Variants in PTPRN2 observed in about 807,000 individuals in gnomAD.
PTPRN2 encodes the protein protein tyrosine phosphatase receptor type N2.
A neutral mutation model predicts 118.8 loss-of-function variants in PTPRN2; 74 were observed. That is an observed-to-expected ratio of 0.62 (90% CI 0.52 to 0.76). PTPRN2 has a LOEUF of 0.76. Ranked by LOEUF, PTPRN2 falls within the 30% of genes least tolerant of loss-of-function variation. PTPRN2 has a pLI of 0.00. For synonymous variants in PTPRN2, 641 were observed against 608.0 expected (o/e 1.05, Z -0.80); for missense variants, 1,481 against 1,394.4 (o/e 1.06, Z -0.99).
chr7:158,406,614 G>A (rs115360434), intron 2 of PTPRN2, among the ~76,000 whole-genome samples: 4,634 of 152,284 alleles, frequency 0.03, 88 homozygotes, highest in Middle Eastern at 0.082. Context: ...AGTCTCTCCC[G>A]CGGACCTGAG....
At chr7:157,669,522 C>T (rs749033054) in intron 13 of PTPRN2, 13 of 488,562 alleles carry the variant, frequency 2.7e-5, no homozygotes, top group African/African-American at 5.9e-5. Flanking sequence ...TGACACACGA[C>T]GACACCCAGT....
chr7:158,024,678 T>G (rs1023174838), intron 11 of PTPRN2, among the ~76,000 whole-genome samples: 4 of 152,058 alleles, frequency 2.6e-5, no homozygotes, highest in African/African-American at 7.2e-5. Flanking sequence ...AGACACCTTG[T>G]GACAAACAAG....
intron 2 of PTPRN2, among the ~76,000 whole-genome samples, chr7:158,435,187 A>G (rs1342062711): frequency 6.6e-6 from 1 of 152,238 alleles, no homozygotes; most frequent in Admixed American, 6.5e-5. Flanking sequence ...AAATACTTGC[A>G]AATCGTATAA....
intron 6 of PTPRN2, among the ~76,000 whole-genome samples, chr7:158,149,275 A>G (rs953296271): frequency 1.2e-4 from 19 of 152,150 alleles, no homozygotes; most frequent in Admixed American, 1.3e-4. Context: ...CAACCAAAAG[A>G]CCTCCAAACT....
chr7:158,485,256 G>A (rs1299274704), intron 2 of PTPRN2, among the ~76,000 whole-genome samples: 1 of 152,046 alleles, frequency 6.6e-6, no homozygotes, highest in Non-Finnish European at 1.5e-5. Flanking sequence ...TGCTCCTCTT[G>A]CCCTCCTGGA....
chr7:158,239,854 G>A (rs1242312063), intron 3 of PTPRN2, among the ~76,000 whole-genome samples: 1 of 152,202 alleles, frequency 6.6e-6, no homozygotes, highest in Non-Finnish European at 1.5e-5. Flanking sequence ...TCCTGGCCGG[G>A]GCACTGGAGG....
intron 6 of PTPRN2, among the ~76,000 whole-genome samples, chr7:158,145,336 C>T (rs1265269369): frequency 6.6e-6 from 1 of 151,954 alleles, no homozygotes; most frequent in East Asian, 1.9e-4. Flanking sequence ...TGAGAAGGTT[C>T]CAGAATACCA....
At chr7:158,441,525 GGTGATGGTAATAGTGATGGTGATGGCA>G (rs1817213755) in intron 2 of PTPRN2, among the ~76,000 whole-genome samples, 4 of 147,316 alleles carry the variant, frequency 2.7e-5, no homozygotes, top group Non-Finnish European at 5.9e-5. Context: ...TGGCAGTGGT[GGTGATGGTAATAGTGATGGTGATGGCA>G]GTGATAGTGA....
chr7:157,755,817 C>T (rs1478287956), intron 12 of PTPRN2, among the ~76,000 whole-genome samples: 1 of 152,156 alleles, frequency 6.6e-6, no homozygotes, highest in Non-Finnish European at 1.5e-5. Context: ...CATTCTTACT[C>T]CAAACCTCAG....
chr7:157,692,268 T>TC (rs1344277576), intron 12 of PTPRN2, among the ~76,000 whole-genome samples: 20 of 150,798 alleles, frequency 1.3e-4, no homozygotes, highest in Non-Finnish European at 8.9e-5. Flanking sequence ...TCCCGGCCCC[T>TC]CCGGGGCCAA....
intron 2 of PTPRN2, among the ~76,000 whole-genome samples, chr7:158,375,811 T>A (rs1216160911): frequency 1.3e-5 from 2 of 152,028 alleles, no homozygotes; most frequent in African/African-American, 4.8e-5. Context: ...CTGGGGACAG[T>A]CAGAAAGGAG....
intron 6 of PTPRN2, among the ~76,000 whole-genome samples, chr7:158,146,532 T>C (rs534041916): frequency 1.3e-5 from 2 of 151,972 alleles, no homozygotes; most frequent in South Asian, 4.2e-4. Context: ...CCATCCTGAC[T>C]AACATGGTGA....
Position 157,610,517 on chromosome 7 carries a change from C to T in PTPRN2, c.2345-6442G>A, listed in dbSNP as rs142209657. ...CACCAGCACCCACAAGCTCCTGCTC[C>T]GAGTTTATGGTGTCCATCGAGGTCT... On this transcript the variant is annotated intron_variant, in intron 15 of 22. Coordinates refer to ENST00000389418, the MANE Select transcript of PTPRN2 (RefSeq NM_002847.5). The surrounding 1 kb of genome is among the most constrained non-coding windows in gnomAD (Gnocchi z 5.1). Among the ~76,000 whole-genome samples, 1 of 152,286 alleles carries T rather than the reference C, an allele frequency of 6.6e-6. No homozygotes were observed. The highest frequency in any genetic ancestry group is 1.9e-4 in the East Asian group (1 of 5,188).
chr7:158,081,241 C>T (rs371503569), intron 11 of PTPRN2, 57 bp downstream of exon 11: 201 of 1,483,228 alleles, frequency 1.4e-4, no homozygotes, highest in Middle Eastern at 1.1e-3. Context: ...TGTTTGCGTG[C>T]GTGTGTGTGT....
chr7:158,324,848 G>A (rs1033683739), intron 2 of PTPRN2, among the ~76,000 whole-genome samples: 7 of 152,124 alleles, frequency 4.6e-5, no homozygotes, highest in African/African-American at 1.7e-4. Context: ...TACCCTGTGA[G>A]GAAAGTACTC....
chr7:157,644,219 C>G (rs919920300), intron 14 of PTPRN2, among the ~76,000 whole-genome samples: 22 of 152,236 alleles, frequency 1.4e-4, no homozygotes, highest in Non-Finnish European at 2.9e-5. Flanking sequence ...CCTGAGAAGA[C>G]AGAGCAGGAT....
intron 6 of PTPRN2, among the ~76,000 whole-genome samples, chr7:158,149,389 G>T (rs372428914): frequency 6.6e-6 from 1 of 150,860 alleles, no homozygotes. Flanking sequence ...TGTCTTTTCA[G>T]TATAAACTCT....
At position 158,570,931 on chromosome 7, in the gene PTPRN2, C is replaced by A. The variant is rs916222832; in HGVS notation, c.112+16627G>T. Among the ~76,000 whole-genome samples, 3 of 152,242 alleles carry A rather than the reference C, an allele frequency of 2.0e-5. No homozygotes were observed. Among genetic ancestry groups the A allele is most frequent in the Non-Finnish European group, 4.4e-5 (3 of 68,052 alleles). ...TCCTCTGCTCAGAAGCCCACCCCTGCAGAGCAAAGCCCGGGTCCCGGATGG... is the reference window on the plus strand; with the variant it reads ...TCCTCTGCTCAGAAGCCCACCCCTGAAGAGCAAAGCCCGGGTCCCGGATGG... On this transcript the variant is annotated intron_variant, in intron 1 of 22. Coordinates refer to ENST00000389418, the MANE Select transcript of PTPRN2 (RefSeq NM_002847.5). The surrounding 1 kb of genome is among the most constrained non-coding windows in gnomAD (Gnocchi z 4.5).
intron 12 of PTPRN2, among the ~76,000 whole-genome samples, chr7:157,746,262 G>A (rs1160806832): frequency 1.3e-5 from 2 of 150,206 alleles, no homozygotes; most frequent in Admixed American, 6.6e-5. Flanking sequence ...CAGTCCACAT[G>A]GGGCCAAGAG....
Sources: allele counts gnomAD v4.1 joint callset (sites outside exome capture counted in the v4.1 genomes callset), GRCh38; gene constraint gnomAD v4.1.1; non-coding constraint Gnocchi (gnomAD v3.1); transcripts MANE v1.5; gene names NCBI Gene and HGNC (gene_info 2026-07-23, HGNC 2026-07-21).